The following SYNE1 variants were observed in gnomAD, a reference collection of about 807,000 sequenced individuals.
SYNE1 encodes spectrin repeat containing nuclear envelope protein 1.
In SYNE1, 616 loss-of-function variants were observed where a neutral mutation model predicts 1,111.0. The ratio of observed to expected loss-of-function variants is 0.55; its 90% CI spans 0.52 to 0.59. The LOEUF (loss-of-function observed/expected upper bound fraction) is 0.59, where lower values mean the gene tolerates loss of function less well. Among genes scored for constraint, SYNE1 ranks in the 20% least tolerant of loss-of-function variants. The pLI is 0.00. For synonymous variants in SYNE1, 3,855 were observed against 3,825.8 expected (o/e 1.01, Z -0.28); for missense variants, 10,006 against 10,417.0 (o/e 0.96, Z 1.72).
At chr6:152,446,285 T>A (rs985787856) in intron 29 of SYNE1, among the ~76,000 whole-genome samples, 2 of 152,108 alleles carry the variant, frequency 1.3e-5, no homozygotes, top group Non-Finnish European at 2.9e-5. Context: ...AACAGGCAAC[T>A]GGCTAAATGT....
At position 152,219,066 on chromosome 6, in the gene SYNE1, G is replaced by C. The variant is rs148868250; in HGVS notation, c.21981C>G (p.Leu7327=). The change falls in exon 120 of 146, where the codon CTC becomes CTG. Residue 7327 remains leucine, a synonymous_variant. Transcript: ENST00000367255. ...SAASAIQSDQ[L]SLSQHLCALE... The stretch of plus-strand genomic sequence containing the variant: ...GGGCACACAAGTGTTGACTCAAAGA[G>C]AGTTGATCCGATTGAATAGCTGATG... 1.2e-6 allele frequency: 2 copies of C among 1,614,172 alleles called. No individual in the cohort carries two copies. The highest frequency in any genetic ancestry group is 1.7e-5 in the Admixed American group (1 of 60,024).
At chr6:152,184,826 G>T (rs899085050) in intron 128 of SYNE1, among the ~76,000 whole-genome samples, 1 of 152,034 alleles carries the variant, frequency 6.6e-6, no homozygotes, top group Non-Finnish European at 1.5e-5. Flanking sequence ...AAAGATAAGG[G>T]CAATGGCATC....
At position 152,336,958 on chromosome 6, in the gene SYNE1, G is replaced by A. The variant is rs751325537; in HGVS notation, c.12411C>T (p.His4137=). 671 of 1,613,946 alleles carry A rather than the reference G, an allele frequency of 4.2e-4. 12 individuals are homozygous for A. In the Admixed American group the frequency reaches 0.011, roughly 27 times the overall value. ...GGTAAATCCAGAGCTCAGACTTCAG[G>A]TGCTTGATCTCTTCCCAGCCCTGAG... ...NLTQGWEEIK[H]LKSELWIYLQ... Residue 4137 remains histidine, a synonymous_variant, in exon 76 of 146, where the codon CAC becomes CAT. Transcript: ENST00000367255.
At chr6:152,159,832 A>G (rs1268770121) in intron 131 of SYNE1, among the ~76,000 whole-genome samples, 1 of 152,098 alleles carries the variant, frequency 6.6e-6, no homozygotes, top group African/African-American at 2.4e-5. Flanking sequence ...CTACTGCTTG[A>G]TTTGTCCATA....
At chr6:152,290,586 G>A (rs972625561) in intron 95 of SYNE1, among the ~76,000 whole-genome samples, 5 of 152,066 alleles carry the variant, frequency 3.3e-5, no homozygotes, top group African/African-American at 9.7e-5. Context: ...ACAATTTAGA[G>A]AGGATAACCA....
chr6:152,461,600 G>A lies in SYNE1; in HGVS notation c.2391C>T (p.Thr797=), dbSNP rs201500601. 18 of 1,613,912 alleles carry A rather than the reference G, an allele frequency of 1.1e-5. No individual in the cohort carries two copies. The highest frequency in any genetic ancestry group is 1.4e-5 in the Non-Finnish European group (17 of 1,179,900). The change falls in exon 21 of 146, where the codon ACC becomes ACT. Residue 797 remains threonine, a synonymous_variant. Transcript: ENST00000367255. ...GTGCATTAAATTATTTTCGCACCTT[G>A]GTTAGCTGCTCTTTGAGCTTTGACA... ...ATMSKLKEQL[T]KVKECYSPLL... is the part of the protein sequence containing the mutation.
At position 152,330,358 on chromosome 6, in the gene SYNE1, G is replaced by A; in HGVS notation, c.14327C>T (p.Thr4776Ile). The A allele has an allele frequency of 1.9e-6, 3 of 1,614,116 alleles. No individual in the cohort carries two copies. The highest frequency in any genetic ancestry group is 2.5e-6 in the Non-Finnish European group (3 of 1,180,024). Residue 4776 changes from threonine (T) to isoleucine (I), a missense_variant, in exon 78 of 146, where the codon ACC becomes ATC. Thr to Ile is a moderately conservative substitution (Grantham distance 89, BLOSUM62 -1). Coordinates refer to ENST00000367255, the MANE Select transcript of SYNE1 (RefSeq NM_182961.4). ...CTCGTGTTCTTGGTAAGCACTGGTGGTGTCTTCTAATAAGCTAACCCTCTG... is the reference window on the plus strand; with the variant it reads ...CTCGTGTTCTTGGTAAGCACTGGTGATGTCTTCTAATAAGCTAACCCTCTG... ...TEQRVSLLED[T>I]TSAYQEHEKM...
Position 152,139,986 on chromosome 6 carries a change from G to A in SYNE1, c.25422C>T (p.Asp8474=). 1 of 1,614,096 alleles carries A rather than the reference G, an allele frequency of 6.2e-7. No homozygotes were observed. The highest frequency in any genetic ancestry group is 8.5e-7 in the Non-Finnish European group (1 of 1,180,040). The part of the protein sequence containing the change: ...EQLQRLELST[D]IQTIELQIKK... ...TGATCTGGAGCTCGATGGTCTGGAT[G>A]TCAGTGCTGAGTTCCAGACGCTGGA... The change falls in exon 140 of 146, where the codon GAC becomes GAT. Residue 8474 remains aspartate, a synonymous_variant. Transcript: ENST00000367255.
chr6:152,161,363 T>C (rs1013895656), intron 131 of SYNE1, among the ~76,000 whole-genome samples: 1 of 150,552 alleles, frequency 6.6e-6, no homozygotes, highest in African/African-American at 2.4e-5. Flanking sequence ...AATAACTGAA[T>C]TGGATTTTGA....
intron 3 of SYNE1, among the ~76,000 whole-genome samples, chr6:152,573,053 A>G (rs2099472810): frequency 6.6e-6 from 1 of 152,144 alleles, no homozygotes. Context: ...GAATATCCTC[A>G]GGCAATGAAA....
chr6:152,457,542 A>T (rs1195646798), intron 22 of SYNE1, among the ~76,000 whole-genome samples: 4 of 152,174 alleles, frequency 2.6e-5, no homozygotes, highest in Non-Finnish European at 5.9e-5. Context: ...TATGCATACA[A>T]TCTGTTTACT....
At chr6:152,254,587 G>A (rs763343571) in intron 104 of SYNE1, among the ~76,000 whole-genome samples, 133 of 151,824 alleles carry the variant, frequency 8.8e-4, no homozygotes, top group South Asian at 4.2e-4. Context: ...TTTAAACTCC[G>A]GTATTAGTAA....
intron 145 of SYNE1, chr6:152,128,471 G>A (rs1198480285): frequency 6.6e-6 from 1 of 152,204 alleles, no homozygotes; most frequent in Non-Finnish European, 1.5e-5. Context: ...CAATTCATAT[G>A]TAGGTTTAAA....
In SYNE1 at chr6:152,278,292, G is replaced by A. The variant is rs184872081; in HGVS notation, c.18382-12C>T. On this transcript the variant is annotated splice_polypyrimidine_tract_variant and intron_variant, in intron 97 of 145. Transcript: ENST00000367255. ...TCCACCAGCATATTCTGCAGCAACAGAAATAAGAATGAAACTCACACATCT... is the reference window on the plus strand; with the variant it reads ...TCCACCAGCATATTCTGCAGCAACAAAAATAAGAATGAAACTCACACATCT... 101 of 1,613,816 alleles carry A rather than the reference G, an allele frequency of 6.3e-5. No homozygotes were observed. The highest frequency in any genetic ancestry group is 1.3e-4 in the East Asian group (6 of 44,884).
chr6:152,416,318 G>A, intron 41 of SYNE1, 69 bp downstream of exon 41: 2 of 1,597,496 alleles, frequency 1.3e-6, no homozygotes, highest in African/African-American at 1.3e-5. Context: ...ATAAAGTTTT[G>A]CATAAAAGTT....
Position 152,308,048 on chromosome 6 carries a change from G to C in SYNE1, c.17346+441C>G, listed in dbSNP as rs369275975. Among the ~76,000 whole-genome samples the C allele has an allele frequency of 1.1e-4, 17 of 152,200 alleles. No homozygotes were observed. In the South Asian group the frequency reaches 1.7e-3, roughly 15 times the overall value. On this transcript the variant is annotated intron_variant, in intron 91 of 145. Transcript: ENST00000367255. ...GGGTTTCACCATGTTGTCCAGGATG[G>C]TCTCCATCTCCTGACCTCATGATCC...
At chr6:152,524,260 G>T (rs1208455905) in intron 5 of SYNE1, among the ~76,000 whole-genome samples, 2 of 152,110 alleles carry the variant, frequency 1.3e-5, no homozygotes, top group African/African-American at 2.4e-5. Context: ...ATCATTAAAA[G>T]ATGCTAGATT....
chr6:152,519,784 G>A (rs1030504770), intron 6 of SYNE1, among the ~76,000 whole-genome samples: 2 of 152,294 alleles, frequency 1.3e-5, no homozygotes, highest in African/African-American at 4.8e-5. Flanking sequence ...GGGAAAAACA[G>A]TGACTCTACC....
chr6:152,367,152 G>C, intron 62 of SYNE1, 66 bp downstream of exon 62: 1 of 1,593,550 alleles, frequency 6.3e-7, no homozygotes, highest in South Asian at 1.1e-5. Context: ...CAGGTGGATG[G>C]AGACGGGAAA....
Sources: allele counts gnomAD v4.1 joint callset (sites outside exome capture counted in the v4.1 genomes callset), GRCh38; gene constraint gnomAD v4.1.1; transcripts MANE v1.5; gene names NCBI Gene and HGNC (gene_info 2026-07-23, HGNC 2026-07-21).